SPOCK1: variants seen among roughly 807,000 people sequenced by gnomAD.
SPOCK1 encodes the protein SPARC (osteonectin), cwcv and kazal like domains proteoglycan 1.
SPOCK1 carries 23 observed loss-of-function variants against 55.3 expected under a neutral mutation model. That is an observed-to-expected ratio of 0.42 (90% CI 0.30 to 0.59). The LOEUF (loss-of-function observed/expected upper bound fraction) is 0.59. Ranked by LOEUF, SPOCK1 falls within the 20% of genes least tolerant of loss-of-function variation. The pLI, the probability that SPOCK1 is intolerant of heterozygous loss-of-function variation, is 0.22. For synonymous variants in SPOCK1, 226 were observed against 221.0 expected (o/e 1.02, Z -0.20); for missense variants, 499 against 552.5 (o/e 0.90, Z 0.97).
chr5:137,320,646 C>A (rs1757965019), intron 2 of SPOCK1, among the ~76,000 whole-genome samples: 1 of 152,142 alleles, frequency 6.6e-6, no homozygotes, highest in African/African-American at 2.4e-5. Flanking sequence ...AGGCTACAAG[C>A]GCCTGAAAAA....
intron 3 of SPOCK1, among the ~76,000 whole-genome samples, chr5:137,209,401 T>A (rs556186389): frequency 1.3e-5 from 2 of 152,236 alleles, no homozygotes; most frequent in Admixed American, 1.3e-4. Context: ...CGCAAGTAGA[T>A]GTGGAGGTAG....
chr5:137,148,897 T>A (rs1754257287), intron 3 of SPOCK1, among the ~76,000 whole-genome samples: 5 of 152,070 alleles, frequency 3.3e-5, no homozygotes, highest in Admixed American at 3.3e-4. Context: ...ATAAAGGTGA[T>A]GATTAAAGTG....
intron 3 of SPOCK1, among the ~76,000 whole-genome samples, chr5:137,179,313 T>C (rs6865994): frequency 0.023 from 3,549 of 152,254 alleles, 158 homozygotes; most frequent in African/African-American, 0.081. Flanking sequence ...CTGAGGGCAT[T>C]TGATTTCAGG....
intron 6 of SPOCK1, among the ~76,000 whole-genome samples, chr5:137,036,463 A>G (rs1158382320): frequency 1.3e-5 from 2 of 152,144 alleles, no homozygotes; most frequent in Non-Finnish European, 2.9e-5. Context: ...TTCTTGTTGT[A>G]CAATATAAAA....
intron 2 of SPOCK1, among the ~76,000 whole-genome samples, chr5:137,338,726 T>C (rs1002588739): frequency 5.3e-4 from 81 of 151,964 alleles, no homozygotes; most frequent in African/African-American, 1.9e-3. Flanking sequence ...TGGTGTGAGA[T>C]GGTATCTCAT....
intron 2 of SPOCK1, among the ~76,000 whole-genome samples, chr5:137,356,873 A>AGAGAGAGAGAGAGT (rs796667572): frequency 0.017 from 1,156 of 69,460 alleles, 153 homozygotes; most frequent in African/African-American, 0.021. Flanking sequence ...AGAGAGAGAG[A>AGAGAGAGAGAGAGT]GAGTATGCAG....
chr5:137,091,787 T>G (rs566875923), intron 5 of SPOCK1, among the ~76,000 whole-genome samples: 1 of 152,192 alleles, frequency 6.6e-6, no homozygotes, highest in Non-Finnish European at 1.5e-5. Flanking sequence ...GGACACTGGA[T>G]GGTGAATTGA....
chr5:137,423,129 T>A (rs1005876597), intron 2 of SPOCK1, among the ~76,000 whole-genome samples: 1 of 152,194 alleles, frequency 6.6e-6, no homozygotes, highest in African/African-American at 2.4e-5. Context: ...TGTTGCTGCA[T>A]GATTGTTCCT....
intron 2 of SPOCK1, among the ~76,000 whole-genome samples, chr5:137,374,933 T>C (rs1000695268): frequency 6.6e-6 from 1 of 152,114 alleles, no homozygotes; most frequent in African/African-American, 2.4e-5. Context: ...CTTCACCTAA[T>C]GGCCATCCTA....
chr5:137,090,259 T>C (rs1753029708), intron 5 of SPOCK1, among the ~76,000 whole-genome samples: 1 of 152,246 alleles, frequency 6.6e-6, no homozygotes, highest in Admixed American at 6.5e-5. Flanking sequence ...TTCATCCTTT[T>C]GTCAACAAAA....
intron 2 of SPOCK1, chr5:137,313,432 T>C (rs1779293179): frequency 2.0e-6 from 2 of 985,326 alleles, no homozygotes; most frequent in Non-Finnish European, 2.4e-6. Context: ...TCTTACCTGC[T>C]GCAAGGGGTG....
intron 2 of SPOCK1, among the ~76,000 whole-genome samples, chr5:137,425,489 T>G (rs1367169502): frequency 6.6e-6 from 1 of 152,150 alleles, no homozygotes; most frequent in African/African-American, 2.4e-5. Flanking sequence ...ACATGCATTT[T>G]CTGAAGCAAA....
intron 6 of SPOCK1, among the ~76,000 whole-genome samples, chr5:137,031,054 T>A (rs960354084): frequency 6.6e-6 from 1 of 152,242 alleles, no homozygotes; most frequent in African/African-American, 2.4e-5. Flanking sequence ...TTCCCACATG[T>A]TCAATAATAC....
chr5:137,024,315 G>GGCGGT (rs757163501), intron 6 of SPOCK1, among the ~76,000 whole-genome samples: 3 of 8,320 alleles, frequency 3.6e-4, no homozygotes, highest in Non-Finnish European at 1.7e-3. Flanking sequence ...CCAGTTTGAA[G>GGCGGT]GGGGGGGGGT....
intron 5 of SPOCK1, among the ~76,000 whole-genome samples, chr5:137,092,318 G>A (rs1023034548): frequency 1.3e-5 from 2 of 152,214 alleles, no homozygotes; most frequent in South Asian, 4.1e-4. Context: ...GCCCTGAGCT[G>A]GTTCGCCCTC....
chr5:137,222,213 C>G (rs932802488), intron 3 of SPOCK1, among the ~76,000 whole-genome samples: 1 of 152,164 alleles, frequency 6.6e-6, no homozygotes, highest in African/African-American at 2.4e-5. Context: ...CCAGAGTACA[C>G]TAAGAAGATC....
chr5:137,078,864 C>T (rs1467657068), intron 5 of SPOCK1, among the ~76,000 whole-genome samples: 2 of 152,154 alleles, frequency 1.3e-5, no homozygotes, highest in African/African-American at 2.4e-5. Flanking sequence ...ACACCCTACC[C>T]CAGCTTACAA....
At chr5:137,291,552 TG>T (rs1307540044) in intron 2 of SPOCK1, among the ~76,000 whole-genome samples, 2 of 152,156 alleles carry the variant, frequency 1.3e-5, no homozygotes, top group Non-Finnish European at 2.9e-5. Flanking sequence ...AGGTCAGGTA[TG>T]GGCAAAGGAG....
chr5:137,419,938 T>C (rs187847456), intron 2 of SPOCK1, among the ~76,000 whole-genome samples: 2 of 152,312 alleles, frequency 1.3e-5, no homozygotes, highest in Admixed American at 6.5e-5. Context: ...GGCTGTGGGT[T>C]TGTCATAGAT....
Sources: allele counts gnomAD v4.1 joint callset (sites outside exome capture counted in the v4.1 genomes callset), GRCh38; gene constraint gnomAD v4.1.1; transcripts MANE v1.5; gene names NCBI Gene and HGNC (gene_info 2026-07-23, HGNC 2026-07-21).